PDE10A: variants seen among roughly 807,000 people sequenced by gnomAD.
PDE10A encodes cAMP and cAMP-inhibited cGMP 3',5'-cyclic phosphodiesterase 10A.
PDE10A carries 39 observed loss-of-function variants against 97.7 expected under a neutral mutation model. The observed-to-expected ratio is 0.40, with a 90% CI of 0.31 to 0.52. PDE10A has a LOEUF of 0.52. PDE10A is among the 20% of genes least tolerant of loss of function. PDE10A has a pLI of 0.56. For synonymous variants in PDE10A, 371 were observed against 376.8 expected, an observed-to-expected ratio of 0.98 and a Z score of 0.18; for missense variants, 731 against 1,047.8, an observed-to-expected ratio of 0.70 and a Z score of 4.17.
intron 2 of PDE10A, among the ~76,000 whole-genome samples, chr6:165,515,598 A>T (rs1045183145): frequency 4.8e-5 from 7 of 144,590 alleles, no homozygotes; most frequent in African/African-American, 1.8e-4. Flanking sequence ...ATCTCAGCTC[A>T]CTGTAACCTC....
intron 1 of PDE10A, among the ~76,000 whole-genome samples, chr6:165,842,885 C>T (rs534936159): frequency 1.3e-5 from 2 of 152,340 alleles, no homozygotes; most frequent in South Asian, 2.1e-4. Context: ...GAGTTAGCCT[C>T]GGACTAACCT....
At chr6:165,755,149 T>G (rs2128456688) in intron 1 of PDE10A, among the ~76,000 whole-genome samples, 1 of 152,260 alleles carries the variant, frequency 6.6e-6, no homozygotes, top group Non-Finnish European at 1.5e-5. Flanking sequence ...CAGGGTGGAA[T>G]TGGCACCTAG....
chr6:165,534,205 T>C (rs1308765110), intron 2 of PDE10A, among the ~76,000 whole-genome samples: 1 of 151,050 alleles, frequency 6.6e-6, no homozygotes, highest in Non-Finnish European at 1.5e-5. Context: ...AACAGAAAAA[T>C]TCCTAGACAC....
At chr6:165,980,904 T>A (rs554003017) in intron 1 of PDE10A, among the ~76,000 whole-genome samples, 1 of 152,342 alleles carries the variant, frequency 6.6e-6, no homozygotes, top group South Asian at 2.1e-4. Context: ...GTTCTTTTTA[T>A]TAAAAGTGCT....
chr6:165,883,109 G>A (rs562634086), intron 1 of PDE10A, among the ~76,000 whole-genome samples: 30 of 152,238 alleles, frequency 2.0e-4, no homozygotes, highest in East Asian at 9.7e-4. Flanking sequence ...AGTGGCGCAC[G>A]CCTGCAGTCC....
rs889445945 is a variant in PDE10A, at chr6:165,594,685, A to G, written c.866-51117T>C. 2.0e-5 allele frequency among the ~76,000 whole-genome samples: 3 copies of G among 152,210 alleles called. No homozygotes were observed. The East Asian group carries it at 5.8e-4, about 29-fold the overall frequency. ...ACTGAGTGATACGGTGTTGAGAAAT[A>G]TTATATTCACAAGATCTCAAAGTAT... On this transcript the variant is annotated intron_variant, in intron 1 of 21. Transcript: ENST00000539869.
chr6:165,353,440 T>C (rs564368931), intron 18 of PDE10A, among the ~76,000 whole-genome samples: 3 of 152,302 alleles, frequency 2.0e-5, no homozygotes, highest in Middle Eastern at 3.4e-3. Flanking sequence ...CATGGATGTA[T>C]AGGCAGCTTT....
chr6:165,834,946 T>C (rs981032473), intron 1 of PDE10A, among the ~76,000 whole-genome samples: 1 of 152,194 alleles, frequency 6.6e-6, no homozygotes, highest in Admixed American at 6.5e-5. Flanking sequence ...GAGCCAGGGC[T>C]CCAGGTGGAG....
rs186121680 is a variant in PDE10A at position 165,478,906 on chromosome 6, C to T, written c.1023+3409G>A. Among the ~76,000 whole-genome samples the T allele has an allele frequency of 2.7e-3, 407 of 152,204 alleles. 2 individuals are homozygous for T. Among genetic ancestry groups the T allele is most frequent in the Admixed American group, 5.8e-3 (88 of 15,290 alleles). Reference sequence around the variant, plus strand: ...TTGCCCATCAGAAAATTTTTGAATCCGACTATGACCTGGATGCTACCTGGC... The same window carrying T: ...TTGCCCATCAGAAAATTTTTGAATCTGACTATGACCTGGATGCTACCTGGC... On this transcript the variant is annotated intron_variant, in intron 3 of 21. Coordinates refer to ENST00000539869, the MANE Select transcript of PDE10A (RefSeq NM_001385079.1).
chr6:165,377,466 T>C (rs1784677758), intron 18 of PDE10A, among the ~76,000 whole-genome samples: 1 of 152,206 alleles, frequency 6.6e-6, no homozygotes, highest in South Asian at 2.1e-4. Flanking sequence ...GCTTTTCAAG[T>C]TATATGTCAA....
intron 1 of PDE10A, among the ~76,000 whole-genome samples, chr6:165,918,463 TA>T (rs1782666701): frequency 6.6e-6 from 1 of 152,232 alleles, no homozygotes; most frequent in Non-Finnish European, 1.5e-5. Flanking sequence ...TAAATGATTG[TA>T]AAGTTGTGCC....
chr6:165,872,081 A>G (rs189997138), intron 1 of PDE10A, among the ~76,000 whole-genome samples: 20 of 152,140 alleles, frequency 1.3e-4, no homozygotes, highest in Admixed American at 1.2e-3. Flanking sequence ...TTGCCTTTGC[A>G]AGGTCTCAAT....
intron 1 of PDE10A, among the ~76,000 whole-genome samples, chr6:165,754,630 T>C (rs1316916787): frequency 6.6e-6 from 1 of 152,206 alleles, no homozygotes; most frequent in East Asian, 1.9e-4. Context: ...AAAACAGTTA[T>C]ATTACTTAAT....
At chr6:165,427,154 G>T (rs982526709) in intron 10 of PDE10A, among the ~76,000 whole-genome samples, 1 of 152,054 alleles carries the variant, frequency 6.6e-6, no homozygotes, top group Admixed American at 6.6e-5. Context: ...AAACAAAAAC[G>T]TGTAGAGGCA....
At chr6:165,810,629 TTCAG>T (rs1779257856) in intron 1 of PDE10A, among the ~76,000 whole-genome samples, 1 of 152,126 alleles carries the variant, frequency 6.6e-6, no homozygotes, top group Non-Finnish European at 1.5e-5. Context: ...CTTCTTCTCT[TTCAG>T]TCACTTGGCA....
At chr6:165,501,037 C>T (rs1458788348) in intron 2 of PDE10A, among the ~76,000 whole-genome samples, 3 of 152,154 alleles carry the variant, frequency 2.0e-5, no homozygotes, top group Non-Finnish European at 4.4e-5. Flanking sequence ...TGCCACATCC[C>T]CCTCTCCGAG....
At chr6:165,432,025 T>C (rs2128238224) in intron 7 of PDE10A, among the ~76,000 whole-genome samples, 1 of 152,356 alleles carries the variant, frequency 6.6e-6, no homozygotes, top group Admixed American at 6.5e-5. Flanking sequence ...TACTAGCTTT[T>C]CTACTTCTTT....
chr6:165,581,754 C>T (rs1031806921), intron 1 of PDE10A, among the ~76,000 whole-genome samples: 1 of 152,148 alleles, frequency 6.6e-6, no homozygotes. Context: ...GTGCTAAATC[C>T]TACTTGGACT....
intron 1 of PDE10A, among the ~76,000 whole-genome samples, chr6:165,875,200 C>T (rs574370525): frequency 1.3e-5 from 2 of 152,142 alleles, no homozygotes; most frequent in South Asian, 4.2e-4. Flanking sequence ...CAAACTTGTG[C>T]ATGTGCTTTT....
Sources: allele counts gnomAD v4.1 joint callset (sites outside exome capture counted in the v4.1 genomes callset), GRCh38; gene constraint gnomAD v4.1.1; transcripts MANE v1.5; gene names NCBI Gene and HGNC (gene_info 2026-07-23, HGNC 2026-07-21).